LRRC2: variants seen among roughly 807,000 people sequenced by gnomAD.
The protein encoded by LRRC2 is leucine rich repeat containing 2.
A neutral mutation model predicts 40.2 loss-of-function variants in LRRC2; 27 were observed. That is an observed-to-expected ratio of 0.67 (90% CI 0.49 to 0.93). LRRC2 has a LOEUF of 0.93. LRRC2 is among the 40% of genes least tolerant of loss of function. The pLI, the probability that LRRC2 is intolerant of heterozygous loss-of-function variation, is 0.00. For synonymous variants in LRRC2, 147 were observed against 158.9 expected (o/e 0.92, Z 0.56); for missense variants, 402 against 439.6 (o/e 0.91, Z 0.76).
chr3:46,532,361 C>G (rs1279592184), intron 5 of LRRC2, among the ~76,000 whole-genome samples: 3 of 152,132 alleles, frequency 2.0e-5, no homozygotes, highest in Non-Finnish European at 4.4e-5. Flanking sequence ...TCCCAGGACT[C>G]TGGGAGGCCA....
At chr3:46,538,285 C>T (rs534880303) in intron 4 of LRRC2, among the ~76,000 whole-genome samples, 21 of 152,210 alleles carry the variant, frequency 1.4e-4, no homozygotes, top group Non-Finnish European at 2.5e-4. Context: ...CTGTCATTTT[C>T]ATTTTAAGAT....
intron 6 of LRRC2, among the ~76,000 whole-genome samples, chr3:46,529,212 T>A (rs1005052016): frequency 1.4e-4 from 22 of 151,868 alleles, no homozygotes; most frequent in African/African-American, 5.1e-4. Flanking sequence ...CATACAGGAG[T>A]CTAATAATAT....
intron 1 of LRRC2, among the ~76,000 whole-genome samples, chr3:46,554,232 A>T (rs930178514): frequency 1.7e-5 from 2 of 114,730 alleles, no homozygotes; most frequent in Non-Finnish European, 3.7e-5. Flanking sequence ...TGTTGCCCAG[A>T]CTGGTCTCAA....
rs577156675 is a variant in LRRC2, at chr3:46,551,227, G to C, written c.125+240C>G. On this transcript the variant is annotated intron_variant, in intron 2 of 8. Coordinates refer to ENST00000395905, the MANE Select transcript of LRRC2 (RefSeq NM_024512.5). ...GTGGGGGGATTTATCGTGTCATCTC[G>C]GTCTTCCTCGTGCCTACCACAAGGG... is the stretch of plus-strand genomic sequence containing the variant. 11 of 322,992 alleles carry C rather than the reference G, an allele frequency of 3.4e-5. No homozygotes were observed. In the Admixed American group the frequency reaches 4.9e-4, roughly 14 times the overall value. 20.0% of individuals were successfully genotyped at this position (322,992 alleles called of 1,614,324 possible).
At chr3:46,527,044 G>A (rs533050996) in intron 7 of LRRC2, among the ~76,000 whole-genome samples, 66 of 152,280 alleles carry the variant, frequency 4.3e-4, no homozygotes, top group Middle Eastern at 6.8e-3. Flanking sequence ...TTAGTTGTGG[G>A]TGGTTTATAG....
intron 1 of LRRC2, 141 bp from the exon 2 acceptor site, chr3:46,551,751 C>CTTTTTTTTTTTTT (rs748541390): frequency 2.2e-5 from 3 of 133,972 alleles, no homozygotes; most frequent in Non-Finnish European, 3.6e-5. Flanking sequence ...TGACAGTTTG[C>CTTTTTTTTTTTTT]TTTTTTTTTT....
intron 2 of LRRC2, among the ~76,000 whole-genome samples, chr3:46,550,809 T>C (rs1287285207): frequency 6.6e-6 from 1 of 152,214 alleles, no homozygotes; most frequent in Non-Finnish European, 1.5e-5. Flanking sequence ...TGTGTCAATC[T>C]TATATAAACA....
At chr3:46,528,094 C>G (rs757835796) in intron 6 of LRRC2, among the ~76,000 whole-genome samples, 1 of 152,130 alleles carries the variant, frequency 6.6e-6, no homozygotes, top group Non-Finnish European at 1.5e-5. Context: ...CTGACTTAAT[C>G]ACCAGTTGAA....
At chr3:46,525,224 G>A (rs1391762375) in intron 7 of LRRC2, among the ~76,000 whole-genome samples, 1 of 150,800 alleles carries the variant, frequency 6.6e-6, no homozygotes, top group Admixed American at 6.6e-5. Flanking sequence ...AGGTAGCTGG[G>A]ACTACAGGCA....
At chr3:46,525,602 AATT>A (rs1441934816) in intron 7 of LRRC2, among the ~76,000 whole-genome samples, 1 of 152,048 alleles carries the variant, frequency 6.6e-6, no homozygotes, top group Non-Finnish European at 1.5e-5. Context: ...TGTTTTCTAA[AATT>A]ATTATTACTG....
At chr3:46,522,819 G>T (rs1163232925) in intron 7 of LRRC2, among the ~76,000 whole-genome samples, 3 of 139,552 alleles carry the variant, frequency 2.1e-5, no homozygotes, top group African/African-American at 8.0e-5. Flanking sequence ...AAGCTAAAGG[G>T]GGGAAACCCA....
chr3:46,536,830 AGGTGTTAATCT>A (rs1704278047), intron 4 of LRRC2, among the ~76,000 whole-genome samples: 1 of 152,214 alleles, frequency 6.6e-6, no homozygotes, highest in Non-Finnish European at 1.5e-5. Flanking sequence ...AAAAAAGAAC[AGGTGTTAATCT>A]GGCTGGCAAT....
intron 1 of LRRC2, chr3:46,559,420 G>A (rs1360645849): frequency 6.6e-6 from 1 of 152,246 alleles, no homozygotes; most frequent in African/African-American, 2.4e-5. Flanking sequence ...AGTAACTGAA[G>A]CTGGAAGAAT....
At chr3:46,531,199 G>T (rs1704155721) in intron 5 of LRRC2, among the ~76,000 whole-genome samples, 1 of 150,234 alleles carries the variant, frequency 6.7e-6, no homozygotes, top group African/African-American at 2.5e-5. Context: ...CACACAGGCT[G>T]GAGTGCAGTG....
chr3:46,545,364 CTACG>C, intron 2 of LRRC2, 111 bp from the exon 3 acceptor site: 1 of 869,160 alleles, frequency 1.2e-6, no homozygotes. Context: ...ATTCCCAGGC[CTACG>C]TAAGCACTCC....
rs144769877 is a variant in LRRC2, at chr3:46,541,055, C to T, written c.334-1854G>A. Among the ~76,000 whole-genome samples the T allele has an allele frequency of 6.3e-4, 96 of 152,200 alleles. No individual in the cohort carries two copies. The East Asian group carries it at 0.016, about 25-fold the overall frequency. On this transcript the variant is annotated intron_variant, in intron 3 of 8. Coordinates refer to ENST00000395905, the MANE Select transcript of LRRC2 (RefSeq NM_024512.5). ...CAACAAGAAAAATATTAGGATAGGC[C>T]GGGCATGGTGGCTCACGCCTGTAAT...
In LRRC2 at chr3:46,516,707, T is replaced by A. The variant is rs1050852575; in HGVS notation, c.*2307A>T. On this transcript the variant is annotated 3_prime_UTR_variant, in exon 9 of 9. Transcript: ENST00000395905. ...CTAGGCACTGATAACGGTGCTTAGG[T>A]TGTTGCTGGAAACACTGAAAGATCA... 12 of 152,216 alleles carry A rather than the reference T, an allele frequency of 7.9e-5. No individual in the cohort carries two copies. Among genetic ancestry groups the A allele is most frequent in the African/African-American group, 2.9e-4 (12 of 41,444 alleles). The allele number at this position is 152,216 out of a possible 1,614,324, so 9.4% of individuals were successfully genotyped here. A position where few individuals can be genotyped will look rare whatever the true frequency, so the allele number is the denominator to read the frequency against.
In LRRC2 at chr3:46,518,947, C is replaced by T. The variant is rs2106969711; in HGVS notation, c.*67G>A. On this transcript the variant is annotated 3_prime_UTR_variant, in exon 9 of 9. Transcript: ENST00000395905. The stretch of plus-strand genomic sequence containing the variant: ...AGCACAAGCCATTCTTCCTATATGA[C>T]ATGATCATAACAAAGATTTATATAT... 2.1e-5 allele frequency: 22 copies of T among 1,069,022 alleles called. No homozygotes were observed. Among genetic ancestry groups the T allele is most frequent in the Non-Finnish European group, 2.6e-5 (18 of 686,350 alleles). 66.2% of individuals were successfully genotyped at this position (1,069,022 alleles called of 1,614,324 possible).
At chr3:46,527,322 C>A (rs545491376) in intron 7 of LRRC2, 104 bp downstream of exon 7, 3 of 1,203,990 alleles carry the variant, frequency 2.5e-6, no homozygotes, top group African/African-American at 1.5e-5. Flanking sequence ...TCTCAGAGTA[C>A]GAGAGCCATC....
Sources: allele counts gnomAD v4.1 joint callset (sites outside exome capture counted in the v4.1 genomes callset), GRCh38; gene constraint gnomAD v4.1.1; transcripts MANE v1.5; gene names NCBI Gene and HGNC (gene_info 2026-07-23, HGNC 2026-07-21).